MEF2D: variants seen among roughly 807,000 people sequenced by gnomAD.
MEF2D encodes myocyte enhancer factor 2D.
In MEF2D, 10 loss-of-function variants were observed where a neutral mutation model predicts 59.3. That is an observed-to-expected ratio of 0.17 (90% CI 0.10 to 0.29). The LOEUF (loss-of-function observed/expected upper bound fraction) is 0.29. MEF2D is among the 10% of genes least tolerant of loss of function. The pLI is 1.00. For synonymous variants in MEF2D, 305 were observed against 295.0 expected, an observed-to-expected ratio of 1.03 and a Z score of -0.35; for missense variants, 508 against 699.4, an observed-to-expected ratio of 0.73 and a Z score of 3.09.
intron 6 of MEF2D, among the ~76,000 whole-genome samples, chr1:156,478,469 T>C (rs4453029): frequency 0.94 from 142,729 of 152,240 alleles, 66,990 homozygotes; most frequent in East Asian, 1. Flanking sequence ...AGCCAGACAA[T>C]GGCACAGGGT....
At chr1:156,491,550 C>A (rs1672793826) in intron 1 of MEF2D, among the ~76,000 whole-genome samples, 1 of 152,212 alleles carries the variant, frequency 6.6e-6, no homozygotes, top group South Asian at 2.1e-4. Flanking sequence ...AGGCTCTGGT[C>A]AGCCAGAACA....
At chr1:156,498,908 G>A (rs1673306836) in intron 1 of MEF2D, among the ~76,000 whole-genome samples, 1 of 152,186 alleles carries the variant, frequency 6.6e-6, no homozygotes, top group Non-Finnish European at 1.5e-5. Flanking sequence ...CCACAGGAAG[G>A]AAATTCATTC....
chr1:156,491,580 A>G (rs1320450073), intron 1 of MEF2D, among the ~76,000 whole-genome samples: 1 of 152,208 alleles, frequency 6.6e-6, no homozygotes, highest in Non-Finnish European at 1.5e-5. Flanking sequence ...TGGGGCACAC[A>G]AGGCCCTTGT....
chr1:156,476,388 C>CA, intron 8 of MEF2D, 106 bp downstream of exon 8: 2 of 1,321,110 alleles, frequency 1.5e-6, no homozygotes, highest in South Asian at 2.5e-5. Context: ...AGCAACAGTT[C>CA]ACGCACAGGC....
At chr1:156,472,144 G>A (rs895460677) in intron 9 of MEF2D, among the ~76,000 whole-genome samples, 8 of 152,212 alleles carry the variant, frequency 5.3e-5, no homozygotes, top group Non-Finnish European at 1.2e-4. Context: ...CCAGAAAAGT[G>A]GTCTAAAAAG....
At chr1:156,494,352 G>C (rs900797353) in intron 1 of MEF2D, among the ~76,000 whole-genome samples, 1 of 152,078 alleles carries the variant, frequency 6.6e-6, no homozygotes, top group Non-Finnish European at 1.5e-5. Flanking sequence ...CTCAACCCTA[G>C]GTATTTGCTG....
intron 9 of MEF2D, among the ~76,000 whole-genome samples, chr1:156,470,919 C>T (rs1368848129): frequency 6.6e-6 from 1 of 152,120 alleles, no homozygotes; most frequent in Non-Finnish European, 1.5e-5. Context: ...AGACAGGACC[C>T]CAGGACTCTA....
Position 156,468,981 on chromosome 1 carries a change from G to A in MEF2D, c.1046C>T (p.Ala349Val), listed in dbSNP as rs1270536329. Residue 349 changes from alanine (A) to valine (V), a missense_variant, in exon 10 of 12, where the codon GCC (alanine) becomes GTC (valine). Physicochemically the swap from Ala to Val is moderately conservative, Grantham distance 64. Coordinates refer to ENST00000348159, the MANE Select transcript of MEF2D (RefSeq NM_005920.4). The surrounding 1 kb of genome is among the most constrained non-coding windows in gnomAD (Gnocchi z 4.3). Reference sequence around the variant, plus strand: ...CGACAGCCCCCCAGGTGAACTAAAGGCTGGTAAGGAGGAGAGCTCTGCACT... The same window carrying A: ...CGACAGCCCCCCAGGTGAACTAAAGACTGGTAAGGAGGAGAGCTCTGCACT... The part of the protein sequence containing the change: ...LTSAELSSLP[A>V]FSSPGGLSLG... 1 of 1,612,814 alleles carries A rather than the reference G, an allele frequency of 6.2e-7. No individual in the cohort carries two copies. Among genetic ancestry groups the A allele is most frequent in the African/African-American group, 1.3e-5 (1 of 74,902 alleles).
Position 156,481,644 on chromosome 1 carries a change from C to T in MEF2D, c.259-673G>A, listed in dbSNP as rs993464763. On this transcript the variant is annotated intron_variant, in intron 3 of 11. Transcript: ENST00000348159. Reference sequence around the variant, plus strand: ...ACTTGCTTTGTCTTTAAAATGAATGCAAATTTTACCTTCTAGTCTAGAGTA... The same window carrying T: ...ACTTGCTTTGTCTTTAAAATGAATGTAAATTTTACCTTCTAGTCTAGAGTA... 3.9e-5 allele frequency among the ~76,000 whole-genome samples: 6 copies of T among 152,328 alleles called. No homozygotes were observed. In the Middle Eastern group the frequency reaches 0.01, roughly 259 times the overall value.
In MEF2D at chr1:156,483,157, C is replaced by T; in HGVS notation, c.54+82G>A. On this transcript the variant is annotated intron_variant, in intron 2 of 11. Coordinates refer to ENST00000348159, the MANE Select transcript of MEF2D (RefSeq NM_005920.4). Reference sequence around the variant, plus strand: ...ATAGTTTCCCCTCTTCCACAAAGCCCTCTTGGAATGCCTGAAGGGAGTAGA... The same window carrying T: ...ATAGTTTCCCCTCTTCCACAAAGCCTTCTTGGAATGCCTGAAGGGAGTAGA... 3.5e-6 allele frequency: 5 copies of T among 1,435,526 alleles called. 1 individual carries two copies. Among genetic ancestry groups the T allele is most frequent in the Non-Finnish European group, 4.9e-6 (5 of 1,019,366 alleles). 88.9% of individuals were successfully genotyped at this position (1,435,526 alleles called of 1,614,324 possible).
At chr1:156,497,724 AGG>A in intron 1 of MEF2D, among the ~76,000 whole-genome samples, 1 of 152,274 alleles carries the variant, frequency 6.6e-6, no homozygotes, top group Admixed American at 6.5e-5. Context: ...AAAGGTACTC[AGG>A]TGTGTGGCAA....
intron 1 of MEF2D, among the ~76,000 whole-genome samples, chr1:156,497,743 C>T (rs1343092036): frequency 6.6e-6 from 1 of 152,118 alleles, no homozygotes; most frequent in African/African-American, 2.4e-5. Context: ...GCAAAGTGTC[C>T]AACCAAGGGC....
At chr1:156,494,337 C>T (rs1482126524) in intron 1 of MEF2D, among the ~76,000 whole-genome samples, 1 of 152,116 alleles carries the variant, frequency 6.6e-6, no homozygotes, top group African/African-American at 2.4e-5. Flanking sequence ...TTTGTTCTCT[C>T]AACCCTCAAC....
At chr1:156,478,626 G>A (rs1008915415) in intron 6 of MEF2D, among the ~76,000 whole-genome samples, 12 of 152,142 alleles carry the variant, frequency 7.9e-5, no homozygotes, top group Non-Finnish European at 1.2e-4. Context: ...TGCCTCCTGA[G>A]TTTAAGCGAT....
chr1:156,468,291 C>G lies in MEF2D; in HGVS notation c.1256G>C (p.Ser419Thr). Residue 419 changes from serine (S) to threonine (T), a missense_variant, in exon 11 of 12, where the codon AGC becomes ACC. Coordinates refer to ENST00000348159, the MANE Select transcript of MEF2D (RefSeq NM_005920.4). The surrounding 1 kb of genome is among the most constrained non-coding windows in gnomAD (Gnocchi z 4.3). ...PVSLSNLIPGSPLPHVGAALT... is the reference protein window; with the variant it reads ...PVSLSNLIPGTPLPHVGAALT... Reference sequence around the variant, plus strand: ...GGCAGCACCCACGTGGGGCAGGGGGCTGCCCGGGCTGGAGGCAGGCAATGG... The same window carrying G: ...GGCAGCACCCACGTGGGGCAGGGGGGTGCCCGGGCTGGAGGCAGGCAATGG... 1 of 1,546,666 alleles carries G rather than the reference C, an allele frequency of 6.5e-7. No individual in the cohort carries two copies. The highest frequency in any genetic ancestry group is 8.7e-7 in the Non-Finnish European group (1 of 1,145,996).
chr1:156,477,793 G>A (rs904147353), intron 6 of MEF2D, among the ~76,000 whole-genome samples: 1 of 152,226 alleles, frequency 6.6e-6, no homozygotes, highest in Admixed American at 6.5e-5. Context: ...CAGCTTGGGA[G>A]AAACAAGCCA....
chr1:156,484,779 G>T lies in MEF2D; in HGVS notation c.-138-1349C>A, dbSNP rs555993083. ...AGGAGGCACCATAGGATAAGAGGGG[G>T]CTCAAGGATGGCAGCACAGCCTGGG... is the stretch of plus-strand genomic sequence containing the variant. On this transcript the variant is annotated intron_variant, in intron 1 of 11. Coordinates refer to ENST00000348159, the MANE Select transcript of MEF2D (RefSeq NM_005920.4). Among the ~76,000 whole-genome samples, 9 of 152,278 alleles carry T rather than the reference G, an allele frequency of 5.9e-5. No individual in the cohort carries two copies. The East Asian group carries it at 1.5e-3, about 26-fold the overall frequency.
intron 2 of MEF2D, among the ~76,000 whole-genome samples, chr1:156,483,029 GGCA>G (rs1464949545): frequency 4.6e-5 from 7 of 152,196 alleles, no homozygotes; most frequent in African/African-American, 1.7e-4. Context: ...ATCTAGCTGT[GGCA>G]GCAGAAGAGT....
Position 156,475,152 on chromosome 1 carries a change from C to G in MEF2D, c.962G>C (p.Ser321Thr). 1 of 1,614,242 alleles carries G rather than the reference C, an allele frequency of 6.2e-7. No homozygotes were observed. Among genetic ancestry groups the G allele is most frequent in the Non-Finnish European group, 8.5e-7 (1 of 1,180,034 alleles). ...CATGGAAGAGAAGGGGAGGCCCTGG[C>G]TGAGTAAACTCGGCGTTGCCACAGA... is the stretch of plus-strand genomic sequence containing the variant. ...VVSVATPSLLSQGLPFSSMPT... is the reference protein window; with the variant it reads ...VVSVATPSLLTQGLPFSSMPT... Residue 321 changes from serine (S) to threonine (T), a missense_variant, in exon 9 of 12, where the codon AGC becomes ACC. Physicochemically the swap from Ser to Thr is moderately conservative, Grantham distance 58. Transcript: ENST00000348159.
Sources: allele counts gnomAD v4.1 joint callset (sites outside exome capture counted in the v4.1 genomes callset), GRCh38; gene constraint gnomAD v4.1.1; non-coding constraint Gnocchi (gnomAD v3.1); transcripts MANE v1.5; gene names NCBI Gene and HGNC (gene_info 2026-07-23, HGNC 2026-07-21).